Variants in CADPS2 observed in about 807,000 individuals in gnomAD.
CADPS2 encodes calcium-dependent secretion activator 2.
CADPS2 carries 93 observed loss-of-function variants against 172.5 expected under a neutral mutation model. The observed-to-expected ratio is 0.54, with a 90% CI of 0.46 to 0.64. The LOEUF (loss-of-function observed/expected upper bound fraction) is 0.64. Ranked by LOEUF, CADPS2 falls within the 30% of genes least tolerant of loss-of-function variation. The pLI, the probability that CADPS2 is intolerant of heterozygous loss-of-function variation, is 0.00. For synonymous variants in CADPS2, 546 were observed against 555.2 expected, an observed-to-expected ratio of 0.98 and a Z score of 0.23; for missense variants, 1,420 against 1,565.9, an observed-to-expected ratio of 0.91 and a Z score of 1.57.
intron 2 of CADPS2, among the ~76,000 whole-genome samples, chr7:122,715,675 A>T (rs1469551186): frequency 6.6e-6 from 1 of 151,950 alleles, no homozygotes; most frequent in African/African-American, 2.4e-5. Flanking sequence ...TCACAGACAC[A>T]AGGCTTAAAA....
chr7:122,472,596 T>G (rs1041985751), intron 13 of CADPS2, among the ~76,000 whole-genome samples: 2 of 152,130 alleles, frequency 1.3e-5, no homozygotes, highest in Admixed American at 6.5e-5. Flanking sequence ...CTCCTCAGAC[T>G]CCATATTACA....
chr7:122,734,980 A>G (rs568526057), intron 2 of CADPS2, among the ~76,000 whole-genome samples: 1 of 152,294 alleles, frequency 6.6e-6, no homozygotes, highest in South Asian at 2.1e-4. Flanking sequence ...TTCTGTAAAA[A>G]TCCTAGCAGG....
chr7:122,450,707 G>C (rs1020505093), intron 15 of CADPS2, among the ~76,000 whole-genome samples: 1 of 151,476 alleles, frequency 6.6e-6, no homozygotes, highest in Admixed American at 6.6e-5. Context: ...GTTAAGTTTT[G>C]TATTTTTTAT....
intron 28 of CADPS2, among the ~76,000 whole-genome samples, chr7:122,345,034 T>C (rs1056061489): frequency 3.3e-5 from 5 of 152,094 alleles, no homozygotes; most frequent in Admixed American, 6.6e-5. Flanking sequence ...ACTGAAGATA[T>C]TCAGAAGGCA....
At chr7:122,844,487 A>G (rs1331524245) in intron 1 of CADPS2, among the ~76,000 whole-genome samples, 2 of 152,208 alleles carry the variant, frequency 1.3e-5, no homozygotes, top group Non-Finnish European at 2.9e-5. Flanking sequence ...CTCAAAGAAC[A>G]TCTATAATAT....
At chr7:122,321,882 CAGTT>C (rs1348067309) in intron 29 of CADPS2, among the ~76,000 whole-genome samples, 2 of 152,122 alleles carry the variant, frequency 1.3e-5, no homozygotes, top group Admixed American at 6.6e-5. Context: ...AGAAAAAGTT[CAGTT>C]AGTTAAATGG....
At chr7:122,689,232 C>T (rs2084015348) in intron 2 of CADPS2, among the ~76,000 whole-genome samples, 1 of 152,164 alleles carries the variant, frequency 6.6e-6, no homozygotes, top group African/African-American at 2.4e-5. Context: ...TCCTGGGACA[C>T]CCCTTGTAAA....
rs1257767347 is a variant in CADPS2 at position 122,576,773 on chromosome 7, A to ATTT, written c.1335+4403_1335+4405dup. 1.5e-4 allele frequency among the ~76,000 whole-genome samples: 21 copies of ATTT among 135,892 alleles called. 1 individual carries two copies. The highest frequency in any genetic ancestry group is 3.5e-4 in the African/African-American group (13 of 36,856). The allele number at this position is 135,892 out of a possible 152,430, so 89.2% of individuals were successfully genotyped here. A position where few individuals can be genotyped will look rare whatever the true frequency, so the allele number is the denominator to read the frequency against. On this transcript the variant is annotated intron_variant, in intron 7 of 29. Coordinates refer to ENST00000449022, the MANE Select transcript of CADPS2 (RefSeq NM_017954.11). Reference sequence around the variant, plus strand: ...TAGTCAGTGGGTCTCAGGAGATCTGATTTTTTTTTTTTTTTTTGAGATGGA... The same window carrying ATTT: ...TAGTCAGTGGGTCTCAGGAGATCTGATTTTTTTTTTTTTTTTTTTTGAGATGGA...
chr7:122,345,605 T>C lies in CADPS2; in HGVS notation c.3581A>G (p.Asn1194Ser), dbSNP rs2037469897. The change falls in exon 28 of 30, where the codon AAT becomes AGT. Residue 1194 changes from asparagine to serine, a missense_variant. Physicochemically the swap from Asn to Ser is conservative, Grantham distance 46. Coordinates refer to ENST00000449022, the MANE Select transcript of CADPS2 (RefSeq NM_017954.11). Reference protein sequence around the residue: ...QNQDILREKVNEEMYIEKLFD... With the variant: ...QNQDILREKVSEEMYIEKLFD... ...TAACTTTTCTATATACATTTCCTCA[T>C]TGACCTTTTCTCGAAGAATATCTTG... The C allele has an allele frequency of 1.2e-6, 2 of 1,612,054 alleles. No individual in the cohort carries two copies. Among genetic ancestry groups the C allele is most frequent in the South Asian group, 2.2e-5 (2 of 90,994 alleles).
At chr7:122,666,142 G>A (rs2081171773) in intron 2 of CADPS2, among the ~76,000 whole-genome samples, 1 of 152,018 alleles carries the variant, frequency 6.6e-6, no homozygotes, top group South Asian at 2.1e-4. Context: ...ACAAATATTA[G>A]AAGTATTTAC....
intron 8 of CADPS2, among the ~76,000 whole-genome samples, chr7:122,534,524 T>C (rs952453440): frequency 6.6e-6 from 1 of 152,070 alleles, no homozygotes; most frequent in Non-Finnish European, 1.5e-5. Flanking sequence ...ATGCCAAACT[T>C]ACAAACTGAT....
intron 1 of CADPS2, among the ~76,000 whole-genome samples, chr7:122,769,459 C>T (rs1051007459): frequency 2.0e-5 from 3 of 152,028 alleles, no homozygotes; most frequent in Non-Finnish European, 2.9e-5. Context: ...CATTCAAATA[C>T]GTCACCTACA....
At chr7:122,411,056 T>C (rs2047242945) in intron 19 of CADPS2, among the ~76,000 whole-genome samples, 1 of 152,124 alleles carries the variant, frequency 6.6e-6, no homozygotes. Context: ...AGTGTCTTCT[T>C]AAGGGAGGCA....
chr7:122,338,036 T>C (rs1261911159), intron 28 of CADPS2, among the ~76,000 whole-genome samples: 1 of 152,190 alleles, frequency 6.6e-6, no homozygotes, highest in African/African-American at 2.4e-5. Flanking sequence ...AACCAATTAG[T>C]CAAACTTTTT....
At chr7:122,875,115 G>A (rs150777694) in intron 1 of CADPS2, among the ~76,000 whole-genome samples, 1 of 152,316 alleles carries the variant, frequency 6.6e-6, no homozygotes, top group Non-Finnish European at 1.5e-5. Context: ...AAATGTGAGT[G>A]TGTATACGTT....
chr7:122,773,201 C>G (rs1445401470), intron 1 of CADPS2, among the ~76,000 whole-genome samples: 1 of 151,814 alleles, frequency 6.6e-6, no homozygotes, highest in East Asian at 1.9e-4. Context: ...GTATTAAATG[C>G]TAGAAAGGAC....
chr7:122,653,244 C>A, intron 3 of CADPS2, among the ~76,000 whole-genome samples: 1 of 152,146 alleles, frequency 6.6e-6, no homozygotes, highest in African/African-American at 2.4e-5. Flanking sequence ...ATTTGTGCTG[C>A]CAAAAACAAG....
intron 28 of CADPS2, among the ~76,000 whole-genome samples, chr7:122,340,009 T>A (rs762749854): frequency 3.3e-5 from 5 of 152,222 alleles, no homozygotes; most frequent in Non-Finnish European, 5.9e-5. Flanking sequence ...ATATTTTCAT[T>A]ATTTTCTTTT....
chr7:122,867,493 A>T (rs1045608126), intron 1 of CADPS2, among the ~76,000 whole-genome samples: 2 of 152,168 alleles, frequency 1.3e-5, no homozygotes, highest in African/African-American at 4.8e-5. Flanking sequence ...TTGAAGGGTA[A>T]TAGTCTTGTA....
Sources: gnomAD v4.1 joint callset for allele counts (sites outside exome capture counted in the v4.1 genomes callset) on GRCh38, gnomAD v4.1.1 for gene constraint, MANE v1.5 for transcripts, NCBI Gene and HGNC (gene_info 2026-07-23, HGNC 2026-07-21) for gene names.